The following WDR49 variants were observed in gnomAD, a reference collection of about 807,000 sequenced individuals.
WDR49 encodes the protein WD repeat domain 49.
Under a neutral mutation model 119.5 loss-of-function variants are expected in WDR49, and 107 were observed. The observed-to-expected ratio is 0.90, with a 90% confidence interval of 0.77 to 1.05. The LOEUF is 1.05. Ranked by LOEUF, WDR49 falls within the 50% of genes least tolerant of loss-of-function variation. The pLI, the probability that WDR49 is intolerant of heterozygous loss-of-function variation, is 0.00. For missense variants in WDR49, 1,240 were observed against 1,220.5 expected, an observed-to-expected ratio of 1.02 and a Z score of -0.24; for synonymous variants, 425 against 418.8, an observed-to-expected ratio of 1.01 and a Z score of -0.18.
At chr3:167,592,524 T>C (rs1197818118) in intron 7 of WDR49, among the ~76,000 whole-genome samples, 2 of 150,456 alleles carry the variant, frequency 1.3e-5, no homozygotes, top group Non-Finnish European at 3.0e-5. Flanking sequence ...AACCTCTACC[T>C]CCTGGGTTCA....
intron 6 of WDR49, among the ~76,000 whole-genome samples, chr3:167,603,757 CT>C (rs1174357175): frequency 6.6e-6 from 1 of 152,048 alleles, no homozygotes; most frequent in Non-Finnish European, 1.5e-5. Flanking sequence ...TTAAAATAAA[CT>C]TTTTTTACAT....
chr3:167,616,559 G>C (rs1335522072), intron 5 of WDR49, among the ~76,000 whole-genome samples: 1 of 151,848 alleles, frequency 6.6e-6, no homozygotes, highest in Non-Finnish European at 1.5e-5. Flanking sequence ...AGCGTTAGAG[G>C]ACCATGAGGC....
chr3:167,577,289 T>C (rs1387390193), intron 7 of WDR49, among the ~76,000 whole-genome samples: 1 of 152,088 alleles, frequency 6.6e-6, no homozygotes, highest in Non-Finnish European at 1.5e-5. Context: ...GTGCTATCAG[T>C]AGTGGTACAG....
At chr3:167,614,504 T>C (rs1043174025) in intron 5 of WDR49, among the ~76,000 whole-genome samples, 1 of 152,198 alleles carries the variant, frequency 6.6e-6, no homozygotes, top group African/African-American at 2.4e-5. Context: ...ATTCAAGACG[T>C]TTATGTCTTA....
intron 16 of WDR49, among the ~76,000 whole-genome samples, chr3:167,516,886 C>T (rs931811481): frequency 1.1e-4 from 16 of 151,950 alleles, no homozygotes; most frequent in African/African-American, 1.9e-4. Flanking sequence ...AACAAACAAC[C>T]CCATCAAAAA....
intron 7 of WDR49, among the ~76,000 whole-genome samples, chr3:167,581,688 T>A (rs371315343): frequency 6.6e-6 from 1 of 152,158 alleles, no homozygotes; most frequent in African/African-American, 2.4e-5. Context: ...TTTTCTTCTG[T>A]GCTACAAATG....
intron 7 of WDR49, among the ~76,000 whole-genome samples, chr3:167,590,615 A>C (rs143900361): frequency 2.2e-4 from 34 of 151,982 alleles, no homozygotes; most frequent in African/African-American, 8.2e-4. Flanking sequence ...GAAAATTTTT[A>C]TGGTTCAATC....
intron 7 of WDR49, among the ~76,000 whole-genome samples, chr3:167,590,462 T>A (rs545535462): frequency 1.3e-5 from 2 of 152,166 alleles, no homozygotes; most frequent in East Asian, 3.9e-4. Flanking sequence ...TGTGGAGTAG[T>A]TTGAGTAGGA....
chr3:167,625,592 G>C (rs910454670), intron 3 of WDR49, among the ~76,000 whole-genome samples: 4 of 151,914 alleles, frequency 2.6e-5, no homozygotes, highest in African/African-American at 9.7e-5. Context: ...AGGAAATTGT[G>C]AAATTAGAAT....
intron 14 of WDR49, among the ~76,000 whole-genome samples, chr3:167,528,528 TAAATA>T (rs10675052): frequency 0.018 from 2,716 of 148,016 alleles, 65 homozygotes; most frequent in African/African-American, 0.055. Flanking sequence ...AAAAGTAAAA[TAAATA>T]AAATAAAATA....
intron 7 of WDR49, among the ~76,000 whole-genome samples, chr3:167,593,184 A>G (rs992897638): frequency 5.3e-5 from 8 of 152,100 alleles, no homozygotes; most frequent in African/African-American, 1.9e-4. Context: ...CCCTTTGAAT[A>G]AACTTTCTAC....
chr3:167,547,180 T>A (rs1351497594), intron 10 of WDR49, among the ~76,000 whole-genome samples: 2 of 151,858 alleles, frequency 1.3e-5, no homozygotes, highest in African/African-American at 4.8e-5. Context: ...TATAGTTTCT[T>A]AGTAAGGCAA....
intron 17 of WDR49, among the ~76,000 whole-genome samples, chr3:167,501,741 T>C (rs1347065568): frequency 1.3e-5 from 2 of 152,190 alleles, no homozygotes; most frequent in Admixed American, 6.5e-5. Context: ...GACTCCTTTG[T>C]TTTAGGTTAC....
chr3:167,535,188 C>G lies in WDR49; in HGVS notation c.1954+1682G>C, dbSNP rs113304186. 4.7e-3 allele frequency among the ~76,000 whole-genome samples: 713 copies of G among 152,188 alleles called. 5 individuals are homozygous for G. The highest frequency in any genetic ancestry group is 0.016 in the African/African-American group (674 of 41,532). ...GAAATCAGACAGCCAGGCACAGGAG[C>G]TGATGATCAGAACTACCAATATATT... On this transcript the variant is annotated intron_variant, in intron 11 of 18. Transcript: ENST00000682715.
At chr3:167,522,113 T>G (rs1306651572) in intron 16 of WDR49, among the ~76,000 whole-genome samples, 1 of 152,038 alleles carries the variant, frequency 6.6e-6, no homozygotes, top group South Asian at 2.1e-4. Context: ...CAAGAATCAA[T>G]GTAGTCAAGA....
At chr3:167,635,287 C>T (rs1308032476) in intron 2 of WDR49, among the ~76,000 whole-genome samples, 1 of 151,678 alleles carries the variant, frequency 6.6e-6, no homozygotes, top group Admixed American at 6.6e-5. Context: ...AATAAATTTA[C>T]ATTCCCATCA....
Position 167,560,122 on chromosome 3 carries a change from A to T in WDR49, c.1616T>A (p.Met539Lys), listed in dbSNP as rs1375456329. Residue 539 changes from methionine to lysine, a missense_variant, in exon 9 of 19, where the codon ATG becomes AAG. Coordinates refer to ENST00000682715, the MANE Select transcript of WDR49 (RefSeq NM_001366157.1). ...GCHGNAEIST[M>K]ALDANETRLL... ...CCGAGTCTCATTTGCATCAAGGGCC[A>T]TAGTGCTGATTTCTGCGTTGCCGTG... The T allele has an allele frequency of 6.2e-7, 1 of 1,614,224 alleles. No individual in the cohort carries two copies. Among genetic ancestry groups the T allele is most frequent in the South Asian group, 1.1e-5 (1 of 91,088 alleles).
chr3:167,600,358 A>T (rs940604284), intron 7 of WDR49, among the ~76,000 whole-genome samples: 4 of 152,078 alleles, frequency 2.6e-5, no homozygotes, highest in African/African-American at 9.7e-5. Context: ...GGTCCATGCC[A>T]CACAGACACT....
At chr3:167,560,366 C>T in intron 8 of WDR49, 138 bp from the exon 9 acceptor site, 1 of 855,666 alleles carries the variant, frequency 1.2e-6, no homozygotes, top group Non-Finnish European at 1.7e-6. Flanking sequence ...AATGGACTTT[C>T]TTTCTATTAA....
Sources: gnomAD v4.1 joint callset for allele counts (sites outside exome capture counted in the v4.1 genomes callset) on GRCh38, gnomAD v4.1.1 for gene constraint, MANE v1.5 for transcripts, NCBI Gene and HGNC (gene_info 2026-07-23, HGNC 2026-07-21) for gene names.